GPD1L: variants seen among roughly 807,000 people sequenced by gnomAD.
GPD1L encodes glycerol-3-phosphate dehydrogenase 1-like protein.
In GPD1L, 17 loss-of-function variants were observed where a neutral mutation model predicts 32.9. The ratio of observed to expected loss-of-function variants is 0.52; its 90% CI spans 0.35 to 0.78. The LOEUF is 0.78. Among genes scored for constraint, GPD1L ranks in the 30% least tolerant of loss-of-function variants. The pLI, the probability that GPD1L is intolerant of heterozygous loss-of-function variation, is 0.01. For missense variants in GPD1L, 361 were observed against 447.8 expected (o/e 0.81, Z 1.75); for synonymous variants, 187 against 165.9 (o/e 1.13, Z -0.98).
At chr3:32,125,974 A>G (rs538989098) in intron 1 of GPD1L, among the ~76,000 whole-genome samples, 10 of 152,290 alleles carry the variant, frequency 6.6e-5, no homozygotes, top group African/African-American at 1.9e-4. Context: ...ATTGAATCCC[A>G]AAGGATGTAC....
intron 1 of GPD1L, among the ~76,000 whole-genome samples, chr3:32,107,575 C>T (rs1000348327): frequency 6.6e-6 from 1 of 152,154 alleles, no homozygotes; most frequent in Non-Finnish European, 1.5e-5. Context: ...CATTGCTGTA[C>T]ACTCTGCCAC....
chr3:32,129,267 A>G (rs1359429021), intron 2 of GPD1L, among the ~76,000 whole-genome samples: 1 of 152,228 alleles, frequency 6.6e-6, no homozygotes, highest in Non-Finnish European at 1.5e-5. Context: ...CCTTATGAGC[A>G]TGCACTGTGC....
chr3:32,128,395 T>G (rs910030871), intron 2 of GPD1L, 142 bp downstream of exon 2: 1 of 734,570 alleles, frequency 1.4e-6, no homozygotes, highest in African/African-American at 1.8e-5. Flanking sequence ...GGTTTTGGTC[T>G]TCCTGACTCT....
At chr3:32,117,061 G>A (rs9870851) in intron 1 of GPD1L, among the ~76,000 whole-genome samples, 62,838 of 152,112 alleles carry the variant, frequency 0.41, 14,738 homozygotes, top group East Asian at 0.64. Context: ...GTGTAGCTAC[G>A]TATGCAGTGG....
chr3:32,145,829 A>C lies in GPD1L; in HGVS notation c.506-793A>C, dbSNP rs114349162. Among the ~76,000 whole-genome samples, 849 of 152,314 alleles carry C rather than the reference A, an allele frequency of 5.6e-3. 10 individuals carry two copies. The highest frequency in any genetic ancestry group is 0.019 in the African/African-American group (782 of 41,564). Reference sequence around the variant, plus strand: ...AAGGGGAACTCAGCTAAATGAAAGAACAGTAATGCTACAGAGTAGACTGTG... The same window carrying C: ...AAGGGGAACTCAGCTAAATGAAAGACCAGTAATGCTACAGAGTAGACTGTG... On this transcript the variant is annotated intron_variant, in intron 4 of 7. Coordinates refer to ENST00000282541, the MANE Select transcript of GPD1L (RefSeq NM_015141.4).
chr3:32,140,316 C>G lies in GPD1L; in HGVS notation c.455C>G (p.Ala152Gly). ...MGIDISVLMG[A>G]NIANEVAAEK... ...ATTGACATCAGTGTGCTGATGGGAG[C>G]CAACATTGCCAATGAGGTGGCTGCA... The change falls in exon 4 of 8, where the codon GCC (alanine) becomes GGC (glycine). Residue 152 changes from alanine to glycine, a missense_variant. By Grantham distance (60) the Ala-to-Gly change is moderately conservative (BLOSUM62 0). Coordinates refer to ENST00000282541, the MANE Select transcript of GPD1L (RefSeq NM_015141.4). 1 of 1,614,110 alleles carries G rather than the reference C, an allele frequency of 6.2e-7. No homozygotes were observed.
chr3:32,146,375 C>T (rs777791001), intron 4 of GPD1L, among the ~76,000 whole-genome samples: 2 of 152,024 alleles, frequency 1.3e-5, no homozygotes, highest in Non-Finnish European at 2.9e-5. Flanking sequence ...TGTGAGTCAT[C>T]GTGTCTGGCC....
At chr3:32,130,647 C>G (rs1404448815) in intron 2 of GPD1L, among the ~76,000 whole-genome samples, 4 of 152,162 alleles carry the variant, frequency 2.6e-5, no homozygotes, top group Admixed American at 2.0e-4. Context: ...TTTGCGATTT[C>G]CCTTTAGATC....
chr3:32,135,871 G>T (rs1396669147), intron 2 of GPD1L, among the ~76,000 whole-genome samples: 1 of 152,134 alleles, frequency 6.6e-6, no homozygotes, highest in Non-Finnish European at 1.5e-5. Context: ...TTCACCACTT[G>T]TGGACTACCT....
chr3:32,127,710 GT>G (rs1311351402), intron 1 of GPD1L, among the ~76,000 whole-genome samples: 24 of 152,286 alleles, frequency 1.6e-4, no homozygotes, highest in Admixed American at 1.4e-3. Flanking sequence ...TCAAGACACA[GT>G]TTATCTTACC....
intron 1 of GPD1L, among the ~76,000 whole-genome samples, chr3:32,109,791 G>A (rs932956505): frequency 7.2e-5 from 11 of 152,210 alleles, no homozygotes; most frequent in African/African-American, 2.7e-4. Context: ...ACACAGTCCC[G>A]GTCCTTAAAC....
chr3:32,113,507 C>T (rs1044471586), intron 1 of GPD1L, among the ~76,000 whole-genome samples: 6 of 152,194 alleles, frequency 3.9e-5, no homozygotes, highest in Non-Finnish European at 8.8e-5. Context: ...TGTCACCATT[C>T]TCCTTTCCCT....
intron 1 of GPD1L, among the ~76,000 whole-genome samples, chr3:32,109,609 A>C (rs1172751126): frequency 6.6e-6 from 1 of 152,226 alleles, no homozygotes; most frequent in Non-Finnish European, 1.5e-5. Context: ...TTGGGTACAG[A>C]GTTACTCCAG....
At chr3:32,108,702 C>A (rs1038213980) in intron 1 of GPD1L, among the ~76,000 whole-genome samples, 1 of 152,288 alleles carries the variant, frequency 6.6e-6, no homozygotes, top group Admixed American at 6.5e-5. Context: ...TCGCCCTCCA[C>A]GCTGCAAATA....
intron 4 of GPD1L, 97 bp downstream of exon 4, chr3:32,140,463 C>A: frequency 1.4e-6 from 2 of 1,383,210 alleles, no homozygotes; most frequent in East Asian, 2.3e-5. Context: ...AGACTCTTCC[C>A]TGTCCCTCTT....
At chr3:32,158,036 C>T (rs1209809705) in intron 5 of GPD1L, among the ~76,000 whole-genome samples, 1 of 152,192 alleles carries the variant, frequency 6.6e-6, no homozygotes, top group African/African-American at 2.4e-5. Flanking sequence ...AGGTCATACC[C>T]AACAGGATTG....
At chr3:32,137,784 T>A (rs946050183) in intron 2 of GPD1L, among the ~76,000 whole-genome samples, 1 of 152,236 alleles carries the variant, frequency 6.6e-6, no homozygotes, top group African/African-American at 2.4e-5. Flanking sequence ...AGCTGACATG[T>A]GTTGAGTGTA....
intron 7 of GPD1L, among the ~76,000 whole-genome samples, chr3:32,162,446 C>T (rs989708438): frequency 1.7e-5 from 1 of 58,542 alleles, no homozygotes; most frequent in African/African-American, 1.1e-4. Flanking sequence ...ACTGCAGTGG[C>T]GCAATCTCGG....
At chr3:32,121,928 G>A (rs1473365738) in intron 1 of GPD1L, among the ~76,000 whole-genome samples, 11 of 151,450 alleles carry the variant, frequency 7.3e-5, no homozygotes, top group African/African-American at 1.7e-4. Context: ...GCGCCACCAC[G>A]CCCGGCTAAT....
Sources: allele counts gnomAD v4.1 joint callset (sites outside exome capture counted in the v4.1 genomes callset), GRCh38; gene constraint gnomAD v4.1.1; transcripts MANE v1.5; gene names NCBI Gene and HGNC (gene_info 2026-07-23, HGNC 2026-07-21).